Variants in PLPPR5 observed in about 807,000 individuals in gnomAD.
PLPPR5 encodes the protein phospholipid phosphatase-related protein type 5.
Under a neutral mutation model 33.9 loss-of-function variants are expected in PLPPR5, and 16 were observed. The ratio of observed to expected loss-of-function variants is 0.47; its 90% CI spans 0.32 to 0.72. PLPPR5 has a LOEUF of 0.72. Ranked by LOEUF, PLPPR5 falls within the 30% of genes least tolerant of loss-of-function variation. The probability of loss-of-function intolerance (pLI) is 0.03; values close to 1 mark genes in which losing one functional copy is unlikely to be tolerated. For missense variants in PLPPR5, 301 were observed against 406.7 expected, an observed-to-expected ratio of 0.74 and a Z score of 2.23; for synonymous variants, 163 against 150.3, an observed-to-expected ratio of 1.08 and a Z score of -0.62.
upstream of PLPPR5, among the ~76,000 whole-genome samples, chr1:99,005,272 G>C (rs890590719): frequency 1.3e-5 from 2 of 152,164 alleles, no homozygotes; most frequent in African/African-American, 4.8e-5. Context: ...AATGGTGCGT[G>C]GACGCGTCTT....
intron 2 of PLPPR5, 55 bp downstream of exon 2, chr1:98,956,554 G>A (rs1651007165): frequency 1.4e-5 from 21 of 1,461,862 alleles, no homozygotes; most frequent in Non-Finnish European, 1.8e-5. Context: ...TTAAGGTTTA[G>A]CTTACACATA....
chr1:98,941,984 G>T lies in PLPPR5; in HGVS notation c.621+11086C>A, dbSNP rs888047966. Among the ~76,000 whole-genome samples, 102 of 78,134 alleles carry T rather than the reference G, an allele frequency of 1.3e-3. 1 individual carries two copies. Among genetic ancestry groups the T allele is most frequent in the African/African-American group, 4.1e-3 (100 of 24,472 alleles). 51.3% of individuals were successfully genotyped at this position (78,134 alleles called of 152,430 possible). On this transcript the variant is annotated intron_variant, in intron 3 of 5. Coordinates refer to ENST00000263177, the MANE Select transcript of PLPPR5 (RefSeq NM_001037317.2). ...TAACTGCAATTACAGATACATATAT[G>T]TATACGTATATATATATATATATAC... is the stretch of plus-strand genomic sequence containing the variant.
chr1:98,987,577 A>T (rs1652302434), intron 1 of PLPPR5, among the ~76,000 whole-genome samples: 1 of 151,878 alleles, frequency 6.6e-6, no homozygotes, highest in Admixed American at 6.6e-5. Flanking sequence ...CTTTTCTGAA[A>T]GCCTTTTGCA....
intron 1 of PLPPR5, among the ~76,000 whole-genome samples, chr1:98,993,249 G>A (rs1191272397): frequency 6.6e-6 from 1 of 151,984 alleles, no homozygotes; most frequent in Non-Finnish European, 1.5e-5. Context: ...CGACTAAAAA[G>A]TTCCAGTTAT....
At chr1:98,966,525 A>T (rs1250294773) in intron 1 of PLPPR5, among the ~76,000 whole-genome samples, 1 of 152,208 alleles carries the variant, frequency 6.6e-6, no homozygotes, top group Non-Finnish European at 1.5e-5. Flanking sequence ...AATAAAGAAT[A>T]AAGTAACCTA....
At chr1:98,929,657 T>C (rs563852573) in intron 3 of PLPPR5, among the ~76,000 whole-genome samples, 3 of 152,184 alleles carry the variant, frequency 2.0e-5, no homozygotes, top group Non-Finnish European at 4.4e-5. Flanking sequence ...TGGTTATGAA[T>C]AACAGCTCCT....
At chr1:98,952,865 C>G (rs1302034077) in intron 3 of PLPPR5, among the ~76,000 whole-genome samples, 2 of 152,170 alleles carry the variant, frequency 1.3e-5, no homozygotes, top group Admixed American at 6.5e-5. Context: ...ATACAACCAA[C>G]TACCCACACA....
chr1:98,893,884 A>G (rs1648374643), intron 5 of PLPPR5, among the ~76,000 whole-genome samples: 1 of 152,022 alleles, frequency 6.6e-6, no homozygotes, highest in Non-Finnish European at 1.5e-5. Context: ...TGTGTTTTGT[A>G]TAGTTTTTGT....
At chr1:98,992,259 A>G (rs545833602) in intron 1 of PLPPR5, among the ~76,000 whole-genome samples, 3 of 152,300 alleles carry the variant, frequency 2.0e-5, no homozygotes, top group African/African-American at 7.2e-5. Flanking sequence ...TGGTACCAGG[A>G]CTGAACCAGT....
At chr1:99,004,967 G>A (rs1290716192), upstream of PLPPR5, 1 of 160,240 alleles carries the variant, frequency 6.2e-6, no homozygotes, top group East Asian at 1.8e-4. Context: ...AGGGCGGGGA[G>A]TCCCGGGCGA....
At chr1:98,910,981 G>C (rs775127407) in intron 5 of PLPPR5, among the ~76,000 whole-genome samples, 1 of 150,698 alleles carries the variant, frequency 6.6e-6, no homozygotes, top group Non-Finnish European at 1.5e-5. Flanking sequence ...TATCCCAAAT[G>C]CTCCTTATCA....
At chr1:98,946,678 T>C (rs376526591) in intron 3 of PLPPR5, among the ~76,000 whole-genome samples, 37 of 152,226 alleles carry the variant, frequency 2.4e-4, no homozygotes, top group African/African-American at 7.9e-4. Flanking sequence ...CTCCTGGACA[T>C]TGGGTGGGAC....
chr1:98,920,144 A>C (rs1649491058), intron 4 of PLPPR5, among the ~76,000 whole-genome samples: 1 of 152,172 alleles, frequency 6.6e-6, no homozygotes, highest in South Asian at 2.1e-4. Flanking sequence ...GCTCAGCTCA[A>C]CATTCACCAG....
At position 98,920,600 on chromosome 1, in the gene PLPPR5, A is replaced by AAAAAAAAAAAAAAG. The variant is rs1649514211; in HGVS notation, c.798+1281_798+1282insCTTTTTTTTTTTTT. On this transcript the variant is annotated intron_variant, in intron 4 of 5. Coordinates refer to ENST00000263177, the MANE Select transcript of PLPPR5 (RefSeq NM_001037317.2). ...CACAGAGAGTGGTATCACCAAAAAA[A>AAAAAAAAAAAAAAG]AAAAAAAAAGCAGCACAGGATGAGG... Among the ~76,000 whole-genome samples the AAAAAAAAAAAAAAG allele has an allele frequency of 1.3e-5, 2 of 148,812 alleles. 1 individual carries two copies. Among genetic ancestry groups the AAAAAAAAAAAAAAG allele is most frequent in the Admixed American group, 1.3e-4 (2 of 14,948 alleles).
At chr1:98,900,447 T>G (rs1239782364) in intron 5 of PLPPR5, among the ~76,000 whole-genome samples, 6 of 152,124 alleles carry the variant, frequency 3.9e-5, no homozygotes, top group Non-Finnish European at 8.8e-5. Context: ...TGTATATGGT[T>G]ACAAAATTCT....
chr1:98,939,383 G>A (rs919017078), intron 3 of PLPPR5, among the ~76,000 whole-genome samples: 2 of 150,494 alleles, frequency 1.3e-5, no homozygotes, highest in Non-Finnish European at 3.0e-5. Context: ...AAAAAGATGA[G>A]ATAAAGCCTT....
chr1:98,942,282 A>T (rs1386728415), intron 3 of PLPPR5, among the ~76,000 whole-genome samples: 2 of 152,090 alleles, frequency 1.3e-5, no homozygotes, highest in Non-Finnish European at 2.9e-5. Context: ...CCCTCAAGTG[A>T]TCTGCCCGCC....
At chr1:98,996,555 A>G (rs1652639393) in intron 1 of PLPPR5, among the ~76,000 whole-genome samples, 1 of 152,120 alleles carries the variant, frequency 6.6e-6, no homozygotes, top group Non-Finnish European at 1.5e-5. Context: ...TCCACTTCAC[A>G]TATGTTAAAA....
chr1:99,000,570 T>TTGTTCACGGAGC (rs111815336), intron 1 of PLPPR5, among the ~76,000 whole-genome samples: 35,237 of 151,136 alleles, frequency 0.23, 4,230 homozygotes, highest in East Asian at 0.4. Context: ...CTCCAAGGGG[T>TTGTTCACGGAGC]TGTTCACGGA....
Sources: allele counts gnomAD v4.1 joint callset (sites outside exome capture counted in the v4.1 genomes callset), GRCh38; gene constraint gnomAD v4.1.1; transcripts MANE v1.5; gene names NCBI Gene and HGNC (gene_info 2026-07-23, HGNC 2026-07-21).